Variants in ANKDD1A observed in about 807,000 individuals in gnomAD.
The protein encoded by ANKDD1A is ankyrin repeat and death domain-containing protein 1A.
A neutral mutation model predicts 63.5 loss-of-function variants in ANKDD1A; 59 were observed. The observed-to-expected ratio is 0.93, with a 90% CI of 0.75 to 1.15. ANKDD1A has a LOEUF of 1.15. Ranked by LOEUF, ANKDD1A falls within the 50% of genes most tolerant of loss-of-function variation. The probability of loss-of-function intolerance (pLI) is 0.00; values close to 1 mark genes in which losing one functional copy is unlikely to be tolerated. For missense variants in ANKDD1A, 632 were observed against 656.4 expected, an observed-to-expected ratio of 0.96 and a Z score of 0.41; for synonymous variants, 266 against 263.9, an observed-to-expected ratio of 1.01 and a Z score of -0.08.
At chr15:64,921,549 A>G (rs1267675411) in intron 3 of ANKDD1A, among the ~76,000 whole-genome samples, 1 of 151,852 alleles carries the variant, frequency 6.6e-6, no homozygotes, top group Admixed American at 6.6e-5. Flanking sequence ...TAATTTTTCT[A>G]TTTTTAGTAG....
Position 64,944,727 on chromosome 15 carries a change from C to T in ANKDD1A, c.1141C>T (p.Arg381Cys), listed in dbSNP as rs775529013. 1.7e-5 allele frequency: 27 copies of T among 1,614,062 alleles called. 1 individual carries two copies. In the South Asian group the frequency reaches 2.0e-4, roughly 12 times the overall value. ...SLVDMIIKAD[R>C]FYRWEKDHPS... ...GGTGGACATGATCATAAAAGCTGATCGTTTCTACAGATGGGAGAAGGTACG... is the reference window on the plus strand; with the variant it reads ...GGTGGACATGATCATAAAAGCTGATTGTTTCTACAGATGGGAGAAGGTACG... Residue 381 changes from arginine to cysteine, a missense_variant, in exon 12 of 15, where the codon CGT becomes TGT. Physicochemically the swap from Arg to Cys is radical, Grantham distance 180. Coordinates refer to ENST00000319580, the MANE Select transcript of ANKDD1A (RefSeq NM_182703.6).
chr15:64,930,444 G>A lies in ANKDD1A; in HGVS notation c.571-378G>A, dbSNP rs562713807. Among the ~76,000 whole-genome samples the A allele has an allele frequency of 9.2e-5, 14 of 152,166 alleles. No individual in the cohort carries two copies. In the South Asian group the frequency reaches 1.0e-3, roughly 11 times the overall value. Reference sequence around the variant, plus strand: ...CCATGCTACTCAATGAGAAACTAACGTCTCACACAAAGACTTGAGGGAGGC... The same window carrying A: ...CCATGCTACTCAATGAGAAACTAACATCTCACACAAAGACTTGAGGGAGGC... On this transcript the variant is annotated intron_variant, in intron 6 of 14. Transcript: ENST00000319580.
chr15:64,954,930 C>CTTT (rs1555398207), intron 14 of ANKDD1A, among the ~76,000 whole-genome samples: 1 of 147,934 alleles, frequency 6.8e-6, no homozygotes, highest in African/African-American at 2.5e-5. Context: ...TCCTTCTTCT[C>CTTT]CTTCTTCTTG....
intron 10 of ANKDD1A, 136 bp downstream of exon 10, chr15:64,942,701 A>G: frequency 1.6e-6 from 1 of 637,244 alleles, no homozygotes; most frequent in Non-Finnish European, 2.6e-6. Flanking sequence ...AGCTTTTAGA[A>G]AGTAATCTAA....
intron 14 of ANKDD1A, among the ~76,000 whole-genome samples, chr15:64,952,649 C>CTTTCTTCT (rs1595859442): frequency 0.087 from 479 of 5,534 alleles, 1 homozygote; most frequent in Admixed American, 0.27. Flanking sequence ...TCTTCTCCTT[C>CTTTCTTCT]TCCTTCTTCT....
chr15:64,926,192 T>C, intron 5 of ANKDD1A, 22 bp downstream of exon 5: 1 of 1,610,052 alleles, frequency 6.2e-7, no homozygotes, highest in Non-Finnish European at 8.5e-7. Context: ...TCAGGGCTAC[T>C]CATCATTCCC....
Position 64,952,654 on chromosome 15 carries a change from T to TCTCCTCCTC in ANKDD1A, c.1483+2684_1483+2685insCCTCCTCCT, listed in dbSNP as rs1595859456. Among the ~76,000 whole-genome samples, 476 of 150,752 alleles carry TCTCCTCCTC rather than the reference T, an allele frequency of 3.2e-3. 1 individual carries two copies. Among genetic ancestry groups the TCTCCTCCTC allele is most frequent in the Admixed American group, 8.7e-3 (132 of 15,122 alleles). On this transcript the variant is annotated intron_variant, in intron 14 of 14. Coordinates refer to ENST00000319580, the MANE Select transcript of ANKDD1A (RefSeq NM_182703.6). The stretch of plus-strand genomic sequence containing the variant: ...TTTTCTTTCTTCTTCTCCTTCTCCT[T>TCTCCTCCTC]CTTCTTCCCCTTCTTCCTTCTTCTT...
At chr15:64,926,206 G>A (rs1161221009) in intron 5 of ANKDD1A, 36 bp downstream of exon 5, 1 of 1,597,060 alleles carries the variant, frequency 6.3e-7, no homozygotes, top group Non-Finnish European at 8.6e-7. Context: ...CATTCCCATT[G>A]GGCGGGGGGC....
intron 14 of ANKDD1A, among the ~76,000 whole-genome samples, chr15:64,954,743 CCTT>C (rs201434481): frequency 5.8e-4 from 12 of 20,778 alleles, no homozygotes; most frequent in Non-Finnish European, 2.2e-3. Flanking sequence ...TCTTCCTTCT[CCTT>C]CTTCTTTCTT....
At chr15:64,917,566 C>T (rs1285561207) in intron 3 of ANKDD1A, 52 bp downstream of exon 3, 20 of 1,523,722 alleles carry the variant, frequency 1.3e-5, no homozygotes, top group Non-Finnish European at 1.8e-5. Context: ...CACTGGAGAT[C>T]TCTCTGGGTC....
At chr15:64,929,661 A>T (rs1218286597) in intron 6 of ANKDD1A, among the ~76,000 whole-genome samples, 1 of 152,180 alleles carries the variant, frequency 6.6e-6, no homozygotes, top group Non-Finnish European at 1.5e-5. Flanking sequence ...ACACATGTCA[A>T]GCTCTCCACA....
chr15:64,930,986 C>G lies in ANKDD1A; in HGVS notation c.669+66C>G, dbSNP rs1377255337. On this transcript the variant is annotated intron_variant, in intron 7 of 14. Coordinates refer to ENST00000319580, the MANE Select transcript of ANKDD1A (RefSeq NM_182703.6). ...CTTGCTCTCTGCCTTCGAGGAACCC[C>G]CACCAGTCCATGGTGAAGTCTAAAG... 2.0e-6 allele frequency: 3 copies of G among 1,513,810 alleles called. No individual in the cohort carries two copies. The African/African-American group carries it at 4.1e-5, about 21-fold the overall frequency. The allele number at this position is 1,513,810 out of a possible 1,614,324, so 93.8% of individuals were successfully genotyped here. A position where few individuals can be genotyped will look rare whatever the true frequency, so the allele number is the denominator to read the frequency against.
Position 64,911,976 on chromosome 15 carries a change from T to TGGAGGAG in ANKDD1A, c.34+18_34+24dup, listed in dbSNP as rs1279279213. 2 of 375,122 alleles carry TGGAGGAG rather than the reference T, an allele frequency of 5.3e-6. No individual in the cohort carries two copies. Among genetic ancestry groups the TGGAGGAG allele is most frequent in the Non-Finnish European group, 8.0e-6 (2 of 250,206 alleles). 23.2% of individuals were successfully genotyped at this position (375,122 alleles called of 1,614,324 possible). Reference sequence around the variant, plus strand: ...GGAGACCGACGGCCGTGAGTCTGCCTGGAGGAGGGAGGGGGGCGGGCCGAG... The same window carrying TGGAGGAG: ...GGAGACCGACGGCCGTGAGTCTGCCTGGAGGAGGGAGGAGGGAGGGGGGCGGGCCGAG... On this transcript the variant is annotated intron_variant, in intron 1 of 14. Coordinates refer to ENST00000319580, the MANE Select transcript of ANKDD1A (RefSeq NM_182703.6).
At chr15:64,922,111 C>G in intron 4 of ANKDD1A, 92 bp downstream of exon 4, 14 of 1,072,882 alleles carry the variant, frequency 1.3e-5, no homozygotes, top group Non-Finnish European at 1.9e-5. Flanking sequence ...CCCCTGCTTG[C>G]CCCTCCAGCC....
At chr15:64,942,860 C>G (rs1196414407) in intron 10 of ANKDD1A, among the ~76,000 whole-genome samples, 1 of 152,072 alleles carries the variant, frequency 6.6e-6, no homozygotes, top group Non-Finnish European at 1.5e-5. Flanking sequence ...CCTTAGGGAA[C>G]ATTCCCAGGG....
chr15:64,921,857 G>T, intron 3 of ANKDD1A, 64 bp from the exon 4 acceptor site: 5 of 1,428,668 alleles, frequency 3.5e-6, no homozygotes, highest in Non-Finnish European at 4.9e-6. Flanking sequence ...TAAGGCACAG[G>T]GCCTGGCTGG....
chr15:64,918,774 C>T (rs1032330086), intron 3 of ANKDD1A, among the ~76,000 whole-genome samples: 3 of 151,890 alleles, frequency 2.0e-5, no homozygotes, highest in South Asian at 2.1e-4. Flanking sequence ...GCCAACATTT[C>T]GAAACCCCGT....
At chr15:64,953,611 T>TTA (rs2085349493) in intron 14 of ANKDD1A, among the ~76,000 whole-genome samples, 1 of 7,990 alleles carries the variant, frequency 1.3e-4, no homozygotes, top group Non-Finnish European at 3.9e-4. Context: ...TTCTTTCTTC[T>TTA]CTCCTTCTTC....
chr15:64,954,218 C>CTTTT (rs773648849), intron 14 of ANKDD1A, among the ~76,000 whole-genome samples: 1,404 of 136,074 alleles, frequency 0.01, 39 homozygotes, highest in African/African-American at 0.038. Context: ...TTTTCTTCTT[C>CTTTT]TTCTTCTTCC....
Sources: allele counts gnomAD v4.1 joint callset (sites outside exome capture counted in the v4.1 genomes callset), GRCh38; gene constraint gnomAD v4.1.1; transcripts MANE v1.5; gene names NCBI Gene and HGNC (gene_info 2026-07-23, HGNC 2026-07-21).